The following KLF17 variants were observed in gnomAD, a reference collection of about 807,000 sequenced individuals.
The protein encoded by KLF17 is Krueppel-like factor 17.
Under a neutral mutation model 34.2 loss-of-function variants are expected in KLF17, and 31 were observed. That is an observed-to-expected ratio of 0.91 (90% confidence interval 0.68 to 1.22). The LOEUF is 1.22. Ranked by LOEUF, KLF17 falls within the 50% of genes most tolerant of loss-of-function variation. The pLI, the probability that KLF17 is intolerant of heterozygous loss-of-function variation, is 0.00. For missense variants in KLF17, 478 were observed against 505.2 expected, an observed-to-expected ratio of 0.95 and a Z score of 0.52; for synonymous variants, 179 against 186.7, an observed-to-expected ratio of 0.96 and a Z score of 0.34.
At chr1:44,063,686 T>C in the KLF17 span, among the ~76,000 whole-genome samples, 1 of 152,242 alleles carries the variant, frequency 6.6e-6, no homozygotes, top group Admixed American at 6.5e-5. Flanking sequence ...TTCTGCTTTT[T>C]ATGGGCAATT....
rs750185270 is a variant in KLF17, at chr1:44,130,028, G to C, written c.757G>C (p.Glu253Gln). Residue 253 changes from glutamate to glutamine, a missense_variant, in exon 2 of 4, where the codon GAG becomes CAG. Coordinates refer to ENST00000372299, the MANE Select transcript of KLF17 (RefSeq NM_173484.4). ...CTCTCAAGAAGGCCCATTTCTACCA[G>C]AGCAGCCCGGACCTGCTCCACAGAC... Reference protein sequence around the residue: ...PDSQEGPFLPEQPGPAPQTVE... With the variant: ...PDSQEGPFLPQQPGPAPQTVE... The C allele has an allele frequency of 4.7e-5, 76 of 1,614,078 alleles. No individual in the cohort carries two copies. The highest frequency in any genetic ancestry group is 6.3e-5 in the Non-Finnish European group (74 of 1,180,048).
chr1:44,127,692 T>TTCTCTTTCTTTCTTTCTTTC (rs753421834), intron 1 of KLF17, among the ~76,000 whole-genome samples: 2 of 90,172 alleles, frequency 2.2e-5, no homozygotes, highest in African/African-American at 1.1e-4. Context: ...CTTTCTTTCT[T>TTCTCTTTCTTTCTTTCTTTC]TTTCTTTCTT....
rs756494319 is a variant in KLF17 at position 44,129,557 on chromosome 1, C to A, written c.286C>A (p.Arg96Ser). The change falls in exon 2 of 4, where the codon CGT becomes AGT. Residue 96 changes from arginine (R) to serine (S), a missense_variant. Arg to Ser is a moderately radical substitution (Grantham distance 110). Coordinates refer to ENST00000372299, the MANE Select transcript of KLF17 (RefSeq NM_173484.4). The stretch of plus-strand genomic sequence containing the variant: ...ACAGTTCAGTATGCCACTGCCTGAG[C>A]GTGGTATGAGCTACTGCCCCCAAGC... The part of the protein sequence containing the change: ...GPQFSMPLPE[R>S]GMSYCPQATL... The A allele has an allele frequency of 6.2e-7, 1 of 1,613,696 alleles. No homozygotes were observed. Among genetic ancestry groups the A allele is most frequent in the Admixed American group, 1.7e-5 (1 of 59,954 alleles).
At chr1:44,106,313 A>T in the KLF17 span, among the ~76,000 whole-genome samples, 1 of 152,070 alleles carries the variant, frequency 6.6e-6, no homozygotes, top group South Asian at 2.1e-4. Context: ...CCCCATCTGC[A>T]TGTGGTCTCC....
At chr1:44,122,187 C>A in intron 1 of KLF17, 1 of 1,597,324 alleles carries the variant, frequency 6.3e-7, no homozygotes. Flanking sequence ...TCTGCCACGG[C>A]CACGTCCTCT....
Position 44,134,328 on chromosome 1 carries a change from C to G in KLF17, c.*1091C>G, listed in dbSNP as rs1312799900. 6.6e-6 allele frequency: 1 copy of G among 152,112 alleles called. No individual in the cohort carries two copies. Among genetic ancestry groups the G allele is most frequent in the East Asian group, 1.9e-4 (1 of 5,190 alleles). The allele number at this position is 152,112 out of a possible 1,614,324, so 9.4% of individuals were successfully genotyped here. ...GGCGGATCATTTGAGGTTAGAGATT[C>G]GAGACCAGCCGGGCCAACATGGTGA... On this transcript the variant is annotated 3_prime_UTR_variant, in exon 4 of 4. Coordinates refer to ENST00000372299, the MANE Select transcript of KLF17 (RefSeq NM_173484.4).
chr1:44,086,809 G>A, the KLF17 span, among the ~76,000 whole-genome samples: 5 of 152,168 alleles, frequency 3.3e-5, no homozygotes, highest in Middle Eastern at 3.2e-3. Context: ...CTCCATTAGT[G>A]AAATAAGAAA....
chr1:44,108,727 G>A, the KLF17 span, among the ~76,000 whole-genome samples: 33,302 of 134,656 alleles, frequency 0.25, 4,233 homozygotes, highest in East Asian at 0.34. Flanking sequence ...GTGCAATAGC[G>A]TGATCTCAGC....
chr1:44,070,645 C>T, the KLF17 span, among the ~76,000 whole-genome samples: 3 of 120,162 alleles, frequency 2.5e-5, no homozygotes, highest in Non-Finnish European at 1.6e-5. Flanking sequence ...GTTGCCCAGG[C>T]TGGAGTGCAG....
chr1:44,046,265 G>A, the KLF17 span: 1 of 149,928 alleles, frequency 6.7e-6, no homozygotes, highest in Non-Finnish European at 1.5e-5. Flanking sequence ...CCCCCAGGCT[G>A]GAGTGTTGTG....
the KLF17 span, among the ~76,000 whole-genome samples, chr1:44,061,395 T>C: frequency 6.6e-6 from 1 of 152,178 alleles, no homozygotes; most frequent in African/African-American, 2.4e-5. Flanking sequence ...GACTCAACTC[T>C]GGAGGTGAGA....
chr1:44,129,626 C>T lies in KLF17; in HGVS notation c.355C>T (p.Pro119Ser), dbSNP rs1431009749. 6.2e-7 allele frequency: 1 copy of T among 1,614,026 alleles called. No homozygotes were observed. The highest frequency in any genetic ancestry group is 1.3e-5 in the African/African-American group (1 of 74,918). Residue 119 changes from proline (P) to serine (S), a missense_variant, in exon 2 of 4, where the codon CCC becomes TCC. Physicochemically the swap from Pro to Ser is moderately conservative, Grantham distance 74. Coordinates refer to ENST00000372299, the MANE Select transcript of KLF17 (RefSeq NM_173484.4). ...GATGATTTACTGTCAGAGAATGTCT[C>T]CCCCTCAGCAAGAGATGACGATTTT... ...SRMIYCQRMS[P>S]PQQEMTIFSG...
At chr1:44,071,637 C>T in the KLF17 span, among the ~76,000 whole-genome samples, 1 of 152,110 alleles carries the variant, frequency 6.6e-6, no homozygotes, top group Non-Finnish European at 1.5e-5. Flanking sequence ...ACTTTCATGG[C>T]CACCTCCCTT....
chr1:44,090,284 A>ACACAGTGAG, the KLF17 span, among the ~76,000 whole-genome samples: 1 of 128,682 alleles, frequency 7.8e-6, no homozygotes, highest in Admixed American at 9.1e-5. Flanking sequence ...AGCCTGGGCA[A>ACACAGTGAG]CACAGTGAGA....
chr1:44,083,482 C>G, the KLF17 span, among the ~76,000 whole-genome samples: 2 of 152,040 alleles, frequency 1.3e-5, no homozygotes, highest in Non-Finnish European at 2.9e-5. Context: ...GCAAGTTGTT[C>G]TTAAGGCTAA....
chr1:44,091,527 G>A, the KLF17 span, among the ~76,000 whole-genome samples: 272 of 150,876 alleles, frequency 1.8e-3, 3 homozygotes, highest in African/African-American at 6.1e-3. Flanking sequence ...ATGGTGGCAC[G>A]CACCTGTAAT....
the KLF17 span, among the ~76,000 whole-genome samples, chr1:44,053,775 G>A: frequency 3.6e-4 from 54 of 152,060 alleles, no homozygotes; most frequent in Admixed American, 8.5e-4. Context: ...GTTAAGTTGA[G>A]CGTATTCTTT....
chr1:44,090,928 G>GCACACGCACACACACACA, the KLF17 span, among the ~76,000 whole-genome samples: 1 of 103,466 alleles, frequency 9.7e-6, no homozygotes, highest in East Asian at 2.7e-4. Flanking sequence ...ACACACACAT[G>GCACACGCACACACACACA]CACACGCACA....
chr1:44,102,648 T>C, the KLF17 span, among the ~76,000 whole-genome samples: 13 of 131,020 alleles, frequency 9.9e-5, no homozygotes, highest in African/African-American at 3.6e-4. Context: ...AAGAAAGTCA[T>C]AACACGAACA....
Sources: allele counts gnomAD v4.1 joint callset (sites outside exome capture counted in the v4.1 genomes callset), GRCh38; gene constraint gnomAD v4.1.1; transcripts MANE v1.5; gene names NCBI Gene and HGNC (gene_info 2026-07-23, HGNC 2026-07-21).